PTPRD: variants seen among roughly 807,000 people sequenced by gnomAD.
PTPRD encodes receptor-type tyrosine-protein phosphatase delta.
PTPRD carries 34 observed loss-of-function variants against 214.5 expected under a neutral mutation model. That is an observed-to-expected ratio of 0.16 (90% CI 0.12 to 0.21). The LOEUF (loss-of-function observed/expected upper bound fraction) is 0.21. Ranked by LOEUF, PTPRD falls within the 10% of genes least tolerant of loss-of-function variation. The probability of loss-of-function intolerance (pLI) is 1.00; values close to 1 mark genes in which losing one functional copy is unlikely to be tolerated. For missense variants in PTPRD, 2,545 were observed against 2,398.7 expected (o/e 1.06, Z -1.27); for synonymous variants, 1,128 against 845.7 (o/e 1.33, Z -5.79).
intron 2 of PTPRD, among the ~76,000 whole-genome samples, chr9:10,384,876 C>G (rs757015096): frequency 6.6e-6 from 1 of 151,424 alleles, no homozygotes; most frequent in Non-Finnish European, 1.5e-5. Context: ...CTTGTTGTTT[C>G]TTAAACCATA....
intron 12 of PTPRD, among the ~76,000 whole-genome samples, chr9:8,651,414 C>G (rs2096805090): frequency 6.6e-6 from 1 of 152,096 alleles, no homozygotes; most frequent in South Asian, 2.1e-4. Flanking sequence ...ACACAGAGAA[C>G]TCAAATTGAT....
intron 12 of PTPRD, among the ~76,000 whole-genome samples, chr9:8,732,806 G>A (rs934830112): frequency 6.6e-6 from 1 of 152,084 alleles, no homozygotes; most frequent in African/African-American, 2.4e-5. Flanking sequence ...AATAGAAAGG[G>A]GCCAAGATGA....
intron 12 of PTPRD, among the ~76,000 whole-genome samples, chr9:8,685,197 G>C (rs1427508693): frequency 6.6e-6 from 1 of 150,664 alleles, no homozygotes; most frequent in East Asian, 1.9e-4. Flanking sequence ...AAGATGAAAG[G>C]AACCATCTTT....
At chr9:9,476,379 A>T (rs1284386944) in intron 8 of PTPRD, among the ~76,000 whole-genome samples, 1 of 152,254 alleles carries the variant, frequency 6.6e-6, no homozygotes, top group East Asian at 1.9e-4. Flanking sequence ...GAAGAGAAAC[A>T]ATATATAAGG....
intron 7 of PTPRD, among the ~76,000 whole-genome samples, chr9:9,685,509 A>C (rs2097151569): frequency 6.6e-6 from 1 of 151,326 alleles, no homozygotes; most frequent in South Asian, 2.1e-4. Context: ...GTGTTCCTTT[A>C]GATATATATT....
chr9:9,616,047 G>C (rs1370829788), intron 7 of PTPRD, among the ~76,000 whole-genome samples: 1 of 152,064 alleles, frequency 6.6e-6, no homozygotes, highest in Non-Finnish European at 1.5e-5. Context: ...GAATGCATTA[G>C]CCTGTAGTGC....
intron 2 of PTPRD, among the ~76,000 whole-genome samples, chr9:10,367,722 C>G (rs1476404222): frequency 6.6e-6 from 1 of 152,078 alleles, no homozygotes; most frequent in African/African-American, 2.4e-5. Flanking sequence ...TGATTCTTCT[C>G]TCCTCTAAGC....
chr9:8,955,465 T>A (rs2099126196), intron 11 of PTPRD, among the ~76,000 whole-genome samples: 1 of 151,728 alleles, frequency 6.6e-6, no homozygotes, highest in Non-Finnish European at 1.5e-5. Context: ...GAGAGCTCAT[T>A]TGGAAGACAA....
chr9:8,552,786 A>G (rs950529946), intron 14 of PTPRD, among the ~76,000 whole-genome samples: 1 of 152,216 alleles, frequency 6.6e-6, no homozygotes, highest in Non-Finnish European at 1.5e-5. Context: ...TGAGTTGGCT[A>G]TATGACTTGC....
intron 3 of PTPRD, among the ~76,000 whole-genome samples, chr9:10,277,648 T>G (rs2094791900): frequency 6.6e-6 from 1 of 152,232 alleles, no homozygotes; most frequent in Non-Finnish European, 1.5e-5. Context: ...GTATAACTAC[T>G]GCTATCTGAG....
chr9:9,465,566 A>T (rs536560323), intron 8 of PTPRD, among the ~76,000 whole-genome samples: 1 of 152,232 alleles, frequency 6.6e-6, no homozygotes, highest in South Asian at 2.1e-4. Flanking sequence ...AAAGACAAAG[A>T]CTTTTTCTGT....
chr9:9,540,558 A>G (rs1427926921), intron 8 of PTPRD, among the ~76,000 whole-genome samples: 1 of 151,894 alleles, frequency 6.6e-6, no homozygotes, highest in African/African-American at 2.4e-5. Flanking sequence ...ACATTTAGAC[A>G]GAAGTTGAGA....
intron 2 of PTPRD, among the ~76,000 whole-genome samples, chr9:10,478,380 C>T (rs1278765702): frequency 1.3e-5 from 2 of 152,058 alleles, no homozygotes; most frequent in Admixed American, 6.6e-5. Flanking sequence ...TGAGTGTTTT[C>T]AGCCACGGCC....
chr9:9,843,024 C>T (rs997145018), intron 5 of PTPRD, among the ~76,000 whole-genome samples: 34 of 152,100 alleles, frequency 2.2e-4, no homozygotes, highest in African/African-American at 8.2e-4. Context: ...ACCAATTCAA[C>T]ATCTAACACT....
chr9:9,673,114 T>A (rs1242182746), intron 7 of PTPRD, among the ~76,000 whole-genome samples: 1 of 152,026 alleles, frequency 6.6e-6, no homozygotes, highest in African/African-American at 2.4e-5. Context: ...AATTTTGAAG[T>A]TAATTCTAGG....
chr9:9,189,356 C>G lies in PTPRD; in HGVS notation c.-202-5993G>C, dbSNP rs10816061. 3.0e-3 allele frequency among the ~76,000 whole-genome samples: 463 copies of G among 152,076 alleles called. 2 individuals are homozygous for G. Among genetic ancestry groups the G allele is most frequent in the African/African-American group, 9.8e-3 (407 of 41,544 alleles). On this transcript the variant is annotated intron_variant, in intron 9 of 45. Coordinates refer to ENST00000381196, the MANE Select transcript of PTPRD (RefSeq NM_002839.4). ...TTGATGGGGCTAACGTAGTAGTTAA[C>G]TGCAGATATAGAAGAATCTAGGCCT...
intron 11 of PTPRD, among the ~76,000 whole-genome samples, chr9:8,790,919 G>A (rs1048179216): frequency 1.1e-4 from 16 of 152,148 alleles, no homozygotes; most frequent in South Asian, 8.3e-4. Flanking sequence ...CAACCGCCAC[G>A]TGTGGTTACT....
chr9:8,769,292 T>C (rs1466123022), intron 11 of PTPRD, among the ~76,000 whole-genome samples: 2 of 152,228 alleles, frequency 1.3e-5, no homozygotes, highest in African/African-American at 4.8e-5. Context: ...CTTTGTTTAG[T>C]TTCCTCACAA....
intron 44 of PTPRD, among the ~76,000 whole-genome samples, chr9:8,321,657 TAAG>T (rs1828355521): frequency 6.6e-6 from 1 of 151,454 alleles, no homozygotes; most frequent in African/African-American, 2.4e-5. Context: ...TGCCTAAAGT[TAAG>T]AAGATGTATT....
Sources: gnomAD v4.1 joint callset for allele counts (sites outside exome capture counted in the v4.1 genomes callset) on GRCh38, gnomAD v4.1.1 for gene constraint, MANE v1.5 for transcripts, NCBI Gene and HGNC (gene_info 2026-07-23, HGNC 2026-07-21) for gene names.